MLLT3: variants seen among roughly 807,000 people sequenced by gnomAD.
MLLT3 encodes the protein MLLT3 super elongation complex subunit, also known as protein AF-9.
MLLT3 carries 4 observed loss-of-function variants against 53.2 expected under a neutral mutation model. The observed-to-expected ratio is 0.08, with a 90% CI of 0.04 to 0.17. MLLT3 has a LOEUF of 0.17. MLLT3 is among the 10% of genes least tolerant of loss of function. The pLI, the probability that MLLT3 is intolerant of heterozygous loss-of-function variation, is 1.00. For synonymous variants in MLLT3, 283 were observed against 230.6 expected (o/e 1.23, Z -2.06); for missense variants, 569 against 684.0 (o/e 0.83, Z 1.87).
intron 8 of MLLT3, among the ~76,000 whole-genome samples, chr9:20,359,706 C>T (rs1035993188): frequency 6.6e-6 from 1 of 152,142 alleles, no homozygotes; most frequent in African/African-American, 2.4e-5. Flanking sequence ...ACAAAGACCA[C>T]GGATTTAAGG....
chr9:20,368,341 T>C (rs930253219), intron 5 of MLLT3, among the ~76,000 whole-genome samples: 6 of 152,164 alleles, frequency 3.9e-5, no homozygotes, highest in Non-Finnish European at 4.4e-5. Flanking sequence ...TTTTCAGCCA[T>C]GAAAAGTGCC....
chr9:20,524,296 AAAGT>A (rs1818144513), intron 2 of MLLT3, among the ~76,000 whole-genome samples: 1 of 151,986 alleles, frequency 6.6e-6, no homozygotes, highest in Non-Finnish European at 1.5e-5. Context: ...AAATTTTTAA[AAAGT>A]AAGTGTTTTG....
intron 5 of MLLT3, among the ~76,000 whole-genome samples, chr9:20,412,903 G>C (rs1272804646): frequency 6.6e-6 from 1 of 152,162 alleles, no homozygotes; most frequent in East Asian, 1.9e-4. Context: ...GGTTAAAATA[G>C]ATAATCTGAA....
At chr9:20,425,753 T>C (rs1209477470) in intron 4 of MLLT3, among the ~76,000 whole-genome samples, 3 of 152,050 alleles carry the variant, frequency 2.0e-5, no homozygotes, top group African/African-American at 7.2e-5. Context: ...CAAATTATAT[T>C]TATAATTGAG....
At chr9:20,402,419 T>G (rs528067195) in intron 5 of MLLT3, among the ~76,000 whole-genome samples, 8 of 152,176 alleles carry the variant, frequency 5.3e-5, no homozygotes, top group African/African-American at 1.7e-4. Flanking sequence ...GAAGGATGAC[T>G]CATTATATTT....
intron 2 of MLLT3, among the ~76,000 whole-genome samples, chr9:20,528,671 T>G (rs1212649360): frequency 6.6e-6 from 1 of 152,220 alleles, no homozygotes; most frequent in East Asian, 1.9e-4. Flanking sequence ...CGCCTCTGTG[T>G]GTCTGTCAAA....
At chr9:20,369,224 T>C (rs1039661642) in intron 5 of MLLT3, among the ~76,000 whole-genome samples, 3 of 152,104 alleles carry the variant, frequency 2.0e-5, no homozygotes, top group South Asian at 2.1e-4. Flanking sequence ...GAGAAGCCTA[T>C]ATATGAGGAG....
intron 2 of MLLT3, among the ~76,000 whole-genome samples, chr9:20,519,009 C>A (rs768561369): frequency 5.9e-5 from 9 of 151,854 alleles, no homozygotes; most frequent in Non-Finnish European, 1.2e-4. Context: ...ATTCTTCCTT[C>A]CTATAAAAGG....
intron 2 of MLLT3, among the ~76,000 whole-genome samples, chr9:20,567,594 G>C (rs1381413663): frequency 6.6e-6 from 1 of 152,108 alleles, no homozygotes; most frequent in Non-Finnish European, 1.5e-5. Context: ...TTCCAAGAAA[G>C]CGTAACTGCA....
chr9:20,381,550 T>A (rs1821908204), intron 5 of MLLT3, among the ~76,000 whole-genome samples: 1 of 151,888 alleles, frequency 6.6e-6, no homozygotes, highest in African/African-American at 2.4e-5. Context: ...TGTAAACCAA[T>A]CTAAATGCCA....
At chr9:20,518,347 A>AAAAC (rs898253780) in intron 2 of MLLT3, among the ~76,000 whole-genome samples, 9 of 152,318 alleles carry the variant, frequency 5.9e-5, no homozygotes, top group South Asian at 2.1e-4. Flanking sequence ...ACTCCGTCTC[A>AAAAC]AAACAAACAA....
At chr9:20,492,600 TAA>T (rs907112107) in intron 2 of MLLT3, among the ~76,000 whole-genome samples, 15 of 151,822 alleles carry the variant, frequency 9.9e-5, no homozygotes, top group African/African-American at 3.6e-4. Context: ...CCACATATAT[TAA>T]GATATATATT....
intron 2 of MLLT3, among the ~76,000 whole-genome samples, chr9:20,589,748 T>C (rs1194972554): frequency 2.0e-5 from 3 of 150,472 alleles, no homozygotes; most frequent in African/African-American, 4.9e-5. Flanking sequence ...TCTCGCTCTG[T>C]CACCCAGGCT....
intron 2 of MLLT3, among the ~76,000 whole-genome samples, chr9:20,480,596 T>C (rs566295233): frequency 2.4e-4 from 37 of 152,336 alleles, no homozygotes; most frequent in African/African-American, 6.7e-4. Flanking sequence ...ATTGGAGAGA[T>C]AGCCTAGGTC....
intron 2 of MLLT3, among the ~76,000 whole-genome samples, chr9:20,524,264 G>C (rs545896692): frequency 2.0e-5 from 3 of 151,898 alleles, no homozygotes; most frequent in East Asian, 3.9e-4. Context: ...GCTTGGCTTT[G>C]CTGTAAACCT....
chr9:20,454,603 T>G (rs143931133), intron 3 of MLLT3, among the ~76,000 whole-genome samples: 2 of 152,350 alleles, frequency 1.3e-5, no homozygotes, highest in Non-Finnish European at 2.9e-5. Flanking sequence ...ATTCTTTAAT[T>G]TCTTTGAGTT....
intron 2 of MLLT3, among the ~76,000 whole-genome samples, chr9:20,512,523 G>T (rs781686004): frequency 5.9e-5 from 9 of 152,192 alleles, no homozygotes; most frequent in African/African-American, 2.2e-4. Flanking sequence ...AATGGCTATT[G>T]TTGCAGAACC....
At chr9:20,395,905 G>A (rs535849768) in intron 5 of MLLT3, among the ~76,000 whole-genome samples, 1 of 152,144 alleles carries the variant, frequency 6.6e-6, no homozygotes, top group Non-Finnish European at 1.5e-5. Flanking sequence ...CAGGATGAAG[G>A]AAACCATCGG....
chr9:20,456,696 T>A lies in MLLT3; in HGVS notation c.276+8A>T. 3 of 1,586,424 alleles carry A rather than the reference T, an allele frequency of 1.9e-6. No individual in the cohort carries two copies. The East Asian group carries it at 6.7e-5, about 36-fold the overall frequency. On this transcript the variant is annotated splice_region_variant and intron_variant, in intron 3 of 10. Transcript: ENST00000380338. ...CTACTGAAAGATTAATGGGTAAAGATTACATACCTTGTTTTTAAAATAAAC... is the reference window on the plus strand; with the variant it reads ...CTACTGAAAGATTAATGGGTAAAGAATACATACCTTGTTTTTAAAATAAAC...
Sources: gnomAD v4.1 joint callset for allele counts (sites outside exome capture counted in the v4.1 genomes callset) on GRCh38, gnomAD v4.1.1 for gene constraint, MANE v1.5 for transcripts, NCBI Gene and HGNC (gene_info 2026-07-23, HGNC 2026-07-21) for gene names.